Variants in EXT1 observed in about 807,000 individuals in gnomAD.
EXT1 encodes the protein exostosin-1.
EXT1 carries 20 observed loss-of-function variants against 82.5 expected under a neutral mutation model. That is an observed-to-expected ratio of 0.24 (90% CI 0.17 to 0.35). The LOEUF is 0.35. Ranked by LOEUF, EXT1 falls within the 10% of genes least tolerant of loss-of-function variation. The pLI, the probability that EXT1 is intolerant of heterozygous loss-of-function variation, is 1.00. For missense variants in EXT1, 757 were observed against 936.5 expected (o/e 0.81, Z 2.50); for synonymous variants, 348 against 350.8 (o/e 0.99, Z 0.09).
intron 1 of EXT1, among the ~76,000 whole-genome samples, chr8:117,857,381 C>A (rs1445300686): frequency 6.6e-6 from 1 of 151,740 alleles, no homozygotes; most frequent in East Asian, 1.9e-4. Flanking sequence ...CATAGCAAGA[C>A]CTCATCTCTA....
chr8:118,063,861 T>TATTC (rs1403646738), intron 1 of EXT1, among the ~76,000 whole-genome samples: 3 of 151,528 alleles, frequency 2.0e-5, no homozygotes, highest in African/African-American at 4.9e-5. Context: ...TTTATTTACT[T>TATTC]ATTTATTTAT....
chr8:118,092,834 T>C (rs975350182), intron 1 of EXT1, among the ~76,000 whole-genome samples: 2 of 152,286 alleles, frequency 1.3e-5, no homozygotes, highest in South Asian at 4.1e-4. Context: ...CTCTGCTATC[T>C]GAAAAATCAC....
At chr8:117,820,481 C>G (rs1251610093) in intron 5 of EXT1, among the ~76,000 whole-genome samples, 1 of 152,094 alleles carries the variant, frequency 6.6e-6, no homozygotes, top group African/African-American at 2.4e-5. Context: ...TTGAGACCAG[C>G]AGTTCAAGAC....
chr8:117,969,880 G>A (rs1049334545), intron 1 of EXT1, among the ~76,000 whole-genome samples: 4 of 152,162 alleles, frequency 2.6e-5, no homozygotes, highest in African/African-American at 4.8e-5. Context: ...TATATTGAAC[G>A]TAGGGTCACT....
At chr8:117,934,747 T>A (rs1399159392) in intron 1 of EXT1, among the ~76,000 whole-genome samples, 1 of 152,214 alleles carries the variant, frequency 6.6e-6, no homozygotes, top group Non-Finnish European at 1.5e-5. Flanking sequence ...AATGGATACC[T>A]GACTCAGGCA....
intron 3 of EXT1, among the ~76,000 whole-genome samples, chr8:117,832,296 C>A (rs1048541606): frequency 1.3e-5 from 2 of 152,080 alleles, no homozygotes; most frequent in African/African-American, 4.8e-5. Context: ...GAGGCCGAGG[C>A]AGGCGGATCA....
intron 1 of EXT1, among the ~76,000 whole-genome samples, chr8:118,080,384 A>G (rs1817291869): frequency 6.6e-6 from 1 of 152,106 alleles, no homozygotes; most frequent in Non-Finnish European, 1.5e-5. Flanking sequence ...TCAATATATC[A>G]AGTCTGGAAA....
chr8:117,938,223 C>T lies in EXT1; in HGVS notation c.963-101022G>A, dbSNP rs111801970. ...ATGCCTGTAACCCAAGCACTTTGGG[C>T]GGCTGAAGCAGGAGGATTATTTGAG... On this transcript the variant is annotated intron_variant, in intron 1 of 10. Coordinates refer to ENST00000378204, the MANE Select transcript of EXT1 (RefSeq NM_000127.3). 6.7e-3 allele frequency among the ~76,000 whole-genome samples: 1,024 copies of T among 151,952 alleles called. 17 individuals are homozygous for T. The highest frequency in any genetic ancestry group is 0.024 in the African/African-American group (973 of 41,322).
intron 7 of EXT1, among the ~76,000 whole-genome samples, chr8:117,814,958 G>C (rs891810569): frequency 6.6e-6 from 1 of 152,178 alleles, no homozygotes; most frequent in Non-Finnish European, 1.5e-5. Context: ...ATCTCCAAGA[G>C]CTCAAGGGAC....
intron 1 of EXT1, among the ~76,000 whole-genome samples, chr8:118,072,312 T>C (rs1253101816): frequency 6.6e-6 from 1 of 152,236 alleles, no homozygotes; most frequent in Non-Finnish European, 1.5e-5. Context: ...TAAGTACATA[T>C]GGATGTATGA....
intron 9 of EXT1, among the ~76,000 whole-genome samples, chr8:117,806,770 A>C (rs1041423793): frequency 6.6e-6 from 1 of 152,168 alleles, no homozygotes; most frequent in African/African-American, 2.4e-5. Flanking sequence ...TGTCTGTTAT[A>C]TCACTTATCT....
intron 1 of EXT1, among the ~76,000 whole-genome samples, chr8:118,022,072 G>A (rs761968351): frequency 5.3e-5 from 8 of 152,038 alleles, no homozygotes; most frequent in Non-Finnish European, 1.0e-4. Flanking sequence ...AGAGAGAGCT[G>A]GGTCATACAT....
intron 1 of EXT1, among the ~76,000 whole-genome samples, chr8:117,880,895 T>C (rs1813047683): frequency 6.6e-6 from 1 of 152,152 alleles, no homozygotes; most frequent in South Asian, 2.1e-4. Flanking sequence ...CCGGCCTGTT[T>C]TGACTCTTTT....
chr8:117,932,167 G>T (rs1428895448), intron 1 of EXT1, among the ~76,000 whole-genome samples: 1 of 151,998 alleles, frequency 6.6e-6, no homozygotes, highest in South Asian at 2.1e-4. Context: ...GAGGTTTTTG[G>T]GGGGGTGCTT....
chr8:118,031,161 C>T (rs928514480), intron 1 of EXT1, among the ~76,000 whole-genome samples: 1 of 152,044 alleles, frequency 6.6e-6, no homozygotes, highest in African/African-American at 2.4e-5. Context: ...CAGCTAAGTG[C>T]CATTGAGTAA....
intron 1 of EXT1, among the ~76,000 whole-genome samples, chr8:117,953,245 T>G (rs1408992959): frequency 6.6e-6 from 1 of 152,102 alleles, no homozygotes; most frequent in East Asian, 1.9e-4. Flanking sequence ...TATACATATA[T>G]CTGCTATAAT....
chr8:118,035,894 A>T (rs2129889567), intron 1 of EXT1, among the ~76,000 whole-genome samples: 1 of 152,366 alleles, frequency 6.6e-6, no homozygotes, highest in South Asian at 2.1e-4. Context: ...TGATTAATTC[A>T]TATGAGAACA....
At chr8:117,809,473 C>T (rs1163488998) in intron 8 of EXT1, among the ~76,000 whole-genome samples, 2 of 151,398 alleles carry the variant, frequency 1.3e-5, no homozygotes, top group East Asian at 1.9e-4. Flanking sequence ...CCTGTCTCTA[C>T]TAAAAATATA....
intron 1 of EXT1, among the ~76,000 whole-genome samples, chr8:117,908,599 C>A: frequency 6.6e-6 from 1 of 151,894 alleles, no homozygotes; most frequent in East Asian, 1.9e-4. Context: ...CACTGCACTC[C>A]AGCCCGGGCA....
Sources: allele counts gnomAD v4.1 joint callset (sites outside exome capture counted in the v4.1 genomes callset), GRCh38; gene constraint gnomAD v4.1.1; transcripts MANE v1.5; gene names NCBI Gene and HGNC (gene_info 2026-07-23, HGNC 2026-07-21).